DIAPH3: variants seen among roughly 807,000 people sequenced by gnomAD.
DIAPH3 encodes diaphanous related formin 3.
Under a neutral mutation model 144.3 loss-of-function variants are expected in DIAPH3, and 117 were observed. The observed-to-expected ratio is 0.81, with a 90% confidence interval of 0.70 to 0.95. The LOEUF (loss-of-function observed/expected upper bound fraction) is 0.95, where lower values mean the gene tolerates loss of function less well. Ranked by LOEUF, DIAPH3 falls within the 40% of genes least tolerant of loss-of-function variation. The pLI, the probability that DIAPH3 is intolerant of heterozygous loss-of-function variation, is 0.00. For synonymous variants in DIAPH3, 519 were observed against 488.9 expected, an observed-to-expected ratio of 1.06 and a Z score of -0.81; for missense variants, 1,421 against 1,412.7, an observed-to-expected ratio of 1.01 and a Z score of -0.09.
At chr13:60,001,108 T>C (rs973527716) in intron 9 of DIAPH3, among the ~76,000 whole-genome samples, 1 of 152,192 alleles carries the variant, frequency 6.6e-6, no homozygotes, top group Non-Finnish European at 1.5e-5. Flanking sequence ...CAAAACAATC[T>C]TGGAAAACAG....
chr13:60,146,574 T>C (rs765327997), intron 1 of DIAPH3, among the ~76,000 whole-genome samples: 1 of 152,224 alleles, frequency 6.6e-6, no homozygotes. Flanking sequence ...CTGTGCCATA[T>C]GCAATACAGT....
At chr13:60,134,914 A>G (rs983625874) in intron 1 of DIAPH3, among the ~76,000 whole-genome samples, 1 of 152,200 alleles carries the variant, frequency 6.6e-6, no homozygotes, top group African/African-American at 2.4e-5. Context: ...CATAAAAGTG[A>G]TATTTTAAAA....
intron 12 of DIAPH3, among the ~76,000 whole-genome samples, chr13:59,989,966 A>T (rs193143056): frequency 1.7e-4 from 26 of 152,082 alleles, no homozygotes; most frequent in African/African-American, 6.3e-4. Flanking sequence ...TTTAGAGTAA[A>T]TAGAAGTTTC....
At chr13:59,971,835 T>C (rs1372015533) in intron 15 of DIAPH3, among the ~76,000 whole-genome samples, 2 of 152,188 alleles carry the variant, frequency 1.3e-5, no homozygotes, top group African/African-American at 4.8e-5. Flanking sequence ...CCCTTGTACA[T>C]GCTGGTCCCT....
At chr13:59,890,796 G>A (rs1470443276) in intron 20 of DIAPH3, among the ~76,000 whole-genome samples, 1 of 151,756 alleles carries the variant, frequency 6.6e-6, no homozygotes, top group East Asian at 1.9e-4. Flanking sequence ...GCTGTTTCGA[G>A]GCTATGTAAA....
At chr13:60,049,927 T>C (rs1239260952) in intron 4 of DIAPH3, among the ~76,000 whole-genome samples, 1 of 152,232 alleles carries the variant, frequency 6.6e-6, no homozygotes, top group Non-Finnish European at 1.5e-5. Flanking sequence ...TGGTAGCTCA[T>C]GCCTGTAATT....
At chr13:59,882,198 C>T (rs936897231) in intron 20 of DIAPH3, among the ~76,000 whole-genome samples, 6 of 152,154 alleles carry the variant, frequency 3.9e-5, no homozygotes, top group Non-Finnish European at 7.3e-5. Flanking sequence ...AAGCAATTCT[C>T]CTGCCTCGGC....
At chr13:60,040,763 G>A (rs1054035938) in intron 5 of DIAPH3, among the ~76,000 whole-genome samples, 18 of 152,172 alleles carry the variant, frequency 1.2e-4, no homozygotes, top group Admixed American at 8.5e-4. Context: ...ATAGAAATAC[G>A]ATGTGAATCT....
chr13:59,719,748 T>C (rs577301202), intron 27 of DIAPH3, among the ~76,000 whole-genome samples: 2 of 152,244 alleles, frequency 1.3e-5, no homozygotes, highest in Admixed American at 1.3e-4. Flanking sequence ...GATGGCACTC[T>C]AGCGGTGAAA....
At chr13:59,977,956 T>A (rs1020047111) in intron 14 of DIAPH3, among the ~76,000 whole-genome samples, 2 of 151,772 alleles carry the variant, frequency 1.3e-5, no homozygotes, top group Admixed American at 6.6e-5. Flanking sequence ...TCTCGCGTTG[T>A]TCTTCATACT....
At chr13:59,917,169 A>C (rs1160558436) in intron 18 of DIAPH3, among the ~76,000 whole-genome samples, 1 of 152,162 alleles carries the variant, frequency 6.6e-6, no homozygotes, top group Non-Finnish European at 1.5e-5. Context: ...TCAGCACCTC[A>C]TATCTGTGGG....
intron 17 of DIAPH3, among the ~76,000 whole-genome samples, chr13:59,934,087 G>C (rs2048150442): frequency 6.6e-6 from 1 of 152,034 alleles, no homozygotes; most frequent in African/African-American, 2.4e-5. Context: ...CTCAGAATAT[G>C]CAGTCTTAAA....
At chr13:60,046,882 C>T (rs531620127) in intron 4 of DIAPH3, among the ~76,000 whole-genome samples, 265 of 152,088 alleles carry the variant, frequency 1.7e-3, no homozygotes, top group African/African-American at 6.0e-3. Context: ...GAACAGAAAA[C>T]CAAACACCAC....
At chr13:60,029,894 G>A (rs553324679) in intron 5 of DIAPH3, among the ~76,000 whole-genome samples, 9 of 152,076 alleles carry the variant, frequency 5.9e-5, no homozygotes, top group East Asian at 3.9e-4. Context: ...ACCCTACCAC[G>A]AGCTTTATGG....
intron 12 of DIAPH3, among the ~76,000 whole-genome samples, chr13:59,988,576 G>T (rs973860037): frequency 6.6e-6 from 1 of 151,760 alleles, no homozygotes; most frequent in Non-Finnish European, 1.5e-5. Flanking sequence ...AACATTTCTG[G>T]ATTCCAGAAA....
chr13:59,897,471 C>T (rs7322564), intron 20 of DIAPH3, among the ~76,000 whole-genome samples: 2,493 of 152,230 alleles, frequency 0.016, 42 homozygotes, highest in Non-Finnish European at 0.02. Flanking sequence ...GGGTGCTGGC[C>T]GGGCACGGTG....
At chr13:59,800,280 C>G (rs1408596699) in intron 25 of DIAPH3, among the ~76,000 whole-genome samples, 2 of 152,138 alleles carry the variant, frequency 1.3e-5, no homozygotes, top group African/African-American at 4.8e-5. Flanking sequence ...CTTTTCTTAC[C>G]TTTCCCTTTT....
chr13:60,057,172 C>G (rs2056590915), intron 4 of DIAPH3, among the ~76,000 whole-genome samples: 1 of 151,818 alleles, frequency 6.6e-6, no homozygotes, highest in Non-Finnish European at 1.5e-5. Flanking sequence ...CCAAAAGACT[C>G]CTAGATCTAA....
chr13:60,072,416 G>A (rs917998506), intron 4 of DIAPH3, among the ~76,000 whole-genome samples: 3 of 151,996 alleles, frequency 2.0e-5, no homozygotes, highest in African/African-American at 2.4e-5. Context: ...TTTCATACAT[G>A]CCTTTACACA....
Sources: gnomAD v4.1 joint callset for allele counts (sites outside exome capture counted in the v4.1 genomes callset) on GRCh38, gnomAD v4.1.1 for gene constraint, MANE v1.5 for transcripts, NCBI Gene and HGNC (gene_info 2026-07-23, HGNC 2026-07-21) for gene names.